The following DNAH9 variants were observed in gnomAD, a reference collection of about 807,000 sequenced individuals.
DNAH9 encodes the protein dynein axonemal heavy chain 9.
DNAH9 carries 345 observed loss-of-function variants against 471.6 expected under a neutral mutation model. The ratio of observed to expected loss-of-function variants is 0.73; its 90% CI spans 0.67 to 0.80. The LOEUF (loss-of-function observed/expected upper bound fraction) is 0.80. DNAH9 is among the 30% of genes least tolerant of loss of function. The probability of loss-of-function intolerance (pLI) is 0.00; values close to 1 mark genes in which losing one functional copy is unlikely to be tolerated. For missense variants in DNAH9, 5,407 were observed against 5,609.2 expected (o/e 0.96, Z 1.15); for synonymous variants, 2,093 against 2,123.6 (o/e 0.99, Z 0.40).
intron 15 of DNAH9, among the ~76,000 whole-genome samples, chr17:11,667,112 A>G (rs888890742): frequency 1.3e-5 from 2 of 152,210 alleles, no homozygotes; most frequent in African/African-American, 4.8e-5. Context: ...TCCCATGTCA[A>G]CATATGGGAC....
intron 56 of DNAH9, chr17:11,884,516 G>A (rs1369924255): frequency 1.5e-5 from 7 of 455,100 alleles, no homozygotes; most frequent in African/African-American, 8.0e-5. Flanking sequence ...TACCTTTGAC[G>A]GAAGATGCTT....
At chr17:11,602,051 C>T (rs563982560) in intron 1 of DNAH9, among the ~76,000 whole-genome samples, 2 of 152,258 alleles carry the variant, frequency 1.3e-5, no homozygotes, top group East Asian at 1.9e-4. Flanking sequence ...TCCTTACTTC[C>T]TCCTCCAACC....
intron 18 of DNAH9, 138 bp from the exon 19 acceptor site, chr17:11,680,585 G>T: frequency 1.5e-6 from 1 of 684,028 alleles, no homozygotes; most frequent in East Asian, 2.7e-5. Context: ...CAGATTGTAG[G>T]GAATGGGAAG....
rs755690439 is a variant in DNAH9 at position 11,632,689 on chromosome 17, G to A, written c.1621G>A (p.Glu541Lys). The stretch of plus-strand genomic sequence containing the variant: ...AGCTTTTGATGATGCACCTGGCTTG[G>A]AGCATGCCTTTAAGGTTTGTGTAAA... ...IQAFDDAPGL[E>K]HAFKLLDIAG... The change falls in exon 8 of 69, where the codon GAG (glutamate) becomes AAG (lysine). Residue 541 changes from glutamate (E) to lysine (K), a missense_variant. Glu to Lys is a moderately conservative substitution (Grantham distance 56, BLOSUM62 1). Coordinates refer to ENST00000262442, the MANE Select transcript of DNAH9 (RefSeq NM_001372.4). The A allele has an allele frequency of 1.3e-6, 2 of 1,588,664 alleles. No individual in the cohort carries two copies. The highest frequency in any genetic ancestry group is 2.2e-5 in the South Asian group (2 of 90,568).
At chr17:11,710,851 C>A (rs1341196155) in intron 26 of DNAH9, among the ~76,000 whole-genome samples, 2 of 152,110 alleles carry the variant, frequency 1.3e-5, no homozygotes, top group African/African-American at 4.8e-5. Context: ...AAAACATTTT[C>A]AGTTACCAGT....
chr17:11,843,099 C>T (rs2150960472), intron 49 of DNAH9, among the ~76,000 whole-genome samples: 1 of 152,212 alleles, frequency 6.6e-6, no homozygotes, highest in Admixed American at 6.5e-5. Context: ...TGACAGAATC[C>T]AAGAGGCACT....
chr17:11,699,658 G>A (rs1427841899), intron 22 of DNAH9, 73 bp from the exon 23 acceptor site: 72 of 1,341,242 alleles, frequency 5.4e-5, no homozygotes, highest in Non-Finnish European at 7.1e-5. Flanking sequence ...CCACATGGTA[G>A]GCCTCTAAAC....
In DNAH9 at chr17:11,690,325, G is replaced by A. The variant is rs1185838587; in HGVS notation, c.4503G>A (p.Lys1501=). 6.2e-7 allele frequency: 1 copy of A among 1,614,172 alleles called. No homozygotes were observed. Among genetic ancestry groups the A allele is most frequent in the Non-Finnish European group, 8.5e-7 (1 of 1,180,026 alleles). Residue 1501 remains lysine (K), a synonymous_variant, in exon 20 of 69, where the codon AAG becomes AAA. Transcript: ENST00000262442. ...AGGAGGTGTCGGGCTGGCAGAAGAA[G>A]CTGTCCACAGTGGACGCTGTCATCT... ...FLEEVSGWQK[K]LSTVDAVISI... is the part of the protein sequence containing the mutation.
At chr17:11,751,561 A>G (rs1967151336) in intron 32 of DNAH9, among the ~76,000 whole-genome samples, 2 of 152,092 alleles carry the variant, frequency 1.3e-5, no homozygotes, top group African/African-American at 4.8e-5. Context: ...TTCTAAGTAA[A>G]GTAGGAATAG....
intron 67 of DNAH9, among the ~76,000 whole-genome samples, chr17:11,953,545 C>T (rs1975486295): frequency 6.6e-6 from 1 of 152,116 alleles, no homozygotes; most frequent in South Asian, 2.1e-4. Context: ...GGTGCGGTGG[C>T]TCATGCCTGT....
chr17:11,704,956 T>G (rs2074673954), intron 25 of DNAH9, 69 bp from the exon 26 acceptor site: 11 of 1,323,490 alleles, frequency 8.3e-6, no homozygotes, highest in African/African-American at 1.4e-5. Flanking sequence ...CAGACCCCTA[T>G]GTGTCTTGTG....
chr17:11,901,447 AC>A (rs1458474125), intron 59 of DNAH9, among the ~76,000 whole-genome samples: 1 of 152,070 alleles, frequency 6.6e-6, no homozygotes, highest in Non-Finnish European at 1.5e-5. Context: ...CGTAATCCCA[AC>A]TCTTTGGGAG....
chr17:11,753,045 A>T, intron 33 of DNAH9, 85 bp downstream of exon 33: 1 of 1,144,954 alleles, frequency 8.7e-7, no homozygotes. Context: ...TTGCAAATCT[A>T]GATTCCACAT....
chr17:11,684,547 C>T (rs1480002181), intron 19 of DNAH9, among the ~76,000 whole-genome samples: 1 of 152,162 alleles, frequency 6.6e-6, no homozygotes, highest in Non-Finnish European at 1.5e-5. Flanking sequence ...GTCTTCCTGA[C>T]CTTGAGCACA....
Position 11,822,990 on chromosome 17 carries a change from C to A in DNAH9, c.9202C>A (p.Arg3068=), listed in dbSNP as rs200196922. 10 of 1,614,102 alleles carry A rather than the reference C, an allele frequency of 6.2e-6. No homozygotes were observed. The highest frequency in any genetic ancestry group is 8.5e-6 in the Non-Finnish European group (10 of 1,180,004). The change falls in exon 48 of 69, where the codon CGG becomes AGG. Residue 3068 remains arginine, a synonymous_variant. Transcript: ENST00000262442. ...AAAAGAGCTCAAGTGCAAGACAGAG[C>A]GGTTGGAGAACGGGCTGCTGAAGCT... ...HRKELKCKTE[R]LENGLLKLHS... is the part of the protein sequence containing the mutation.
intron 43 of DNAH9, among the ~76,000 whole-genome samples, chr17:11,798,842 G>A (rs532157001): frequency 3.2e-4 from 48 of 152,172 alleles, no homozygotes; most frequent in Middle Eastern, 6.8e-3. Flanking sequence ...GCCTAGAGAG[G>A]AGTAAGTAAC....
At chr17:11,752,085 C>G (rs759559771) in intron 32 of DNAH9, among the ~76,000 whole-genome samples, 4 of 151,956 alleles carry the variant, frequency 2.6e-5, no homozygotes, top group Non-Finnish European at 2.9e-5. Context: ...GGACATAAAG[C>G]CATATGTGAA....
At chr17:11,625,155 T>G (rs572798253) in intron 6 of DNAH9, among the ~76,000 whole-genome samples, 2 of 152,316 alleles carry the variant, frequency 1.3e-5, no homozygotes, top group South Asian at 4.1e-4. Context: ...TTTGAGTTTC[T>G]GCCTGCAGCC....
At chr17:11,801,462 G>A (rs1969457738) in intron 43 of DNAH9, among the ~76,000 whole-genome samples, 3 of 152,150 alleles carry the variant, frequency 2.0e-5, no homozygotes, top group Non-Finnish European at 4.4e-5. Flanking sequence ...GGCCGATGCG[G>A]GTGGATCACC....
Sources: gnomAD v4.1 joint callset for allele counts (sites outside exome capture counted in the v4.1 genomes callset) on GRCh38, gnomAD v4.1.1 for gene constraint, MANE v1.5 for transcripts, NCBI Gene and HGNC (gene_info 2026-07-23, HGNC 2026-07-21) for gene names.